ARHGAP12: variants seen among roughly 807,000 people sequenced by gnomAD.
The protein encoded by ARHGAP12 is Rho GTPase activating protein 12, also known as rho GTPase-activating protein 12.
Under a neutral mutation model 108.6 loss-of-function variants are expected in ARHGAP12, and 64 were observed. The ratio of observed to expected loss-of-function variants is 0.59; its 90% confidence interval spans 0.48 to 0.73. ARHGAP12 has a LOEUF of 0.73. ARHGAP12 is among the 30% of genes least tolerant of loss of function. The pLI, the probability that ARHGAP12 is intolerant of heterozygous loss-of-function variation, is 0.00. For synonymous variants in ARHGAP12, 312 were observed against 337.2 expected (o/e 0.93, Z 0.82); for missense variants, 940 against 1,005.9 (o/e 0.93, Z 0.89).
chr10:31,844,037 CATT>C (rs1564384885), intron 6 of ARHGAP12, among the ~76,000 whole-genome samples: 1 of 152,032 alleles, frequency 6.6e-6, no homozygotes, highest in Non-Finnish European at 1.5e-5. Context: ...CAAAAATAAG[CATT>C]ATTTTAAAAA....
At chr10:31,890,786 A>G (rs922297954) in intron 3 of ARHGAP12, among the ~76,000 whole-genome samples, 3 of 152,230 alleles carry the variant, frequency 2.0e-5, no homozygotes, top group African/African-American at 7.2e-5. Flanking sequence ...CATTAAAACA[A>G]AAAGGACTTT....
intron 3 of ARHGAP12, among the ~76,000 whole-genome samples, chr10:31,870,278 G>GCT (rs1837491591): frequency 1.4e-5 from 2 of 146,210 alleles, no homozygotes; most frequent in Admixed American, 1.4e-4. Context: ...TGCCCAGGCT[G>GCT]GAGTGCAATG....
Position 31,819,397 on chromosome 10 carries a change from G to T in ARHGAP12, c.1632+990C>A, listed in dbSNP as rs145736652. On this transcript the variant is annotated intron_variant, in intron 12 of 19. Transcript: ENST00000344936. ...ACAAAAAGAGGTTGGGATCTGGAAG[G>T]CTGTCCACAAAATCAGTCTTGGATC... 6.6e-5 allele frequency among the ~76,000 whole-genome samples: 10 copies of T among 152,286 alleles called. No homozygotes were observed. The East Asian group carries it at 1.7e-3, about 26-fold the overall frequency.
rs777287488 is a variant in ARHGAP12 at position 31,861,533 on chromosome 10, T to C, written c.810A>G (p.Glu270=). The change falls in exon 4 of 20, where the codon GAA becomes GAG. Residue 270 remains glutamate, a synonymous_variant. Coordinates refer to ENST00000344936, the MANE Select transcript of ARHGAP12 (RefSeq NM_018287.7). The part of the protein sequence containing the change: ...PGSPAIQING[E]WETHKDSSGR... ...CTGAGCTGTCTTTATGAGTTTCCCA[T>C]TCTCCATTAATCTGAATTGCCGGGC... 3 of 1,614,058 alleles carry C rather than the reference T, an allele frequency of 1.9e-6. No individual in the cohort carries two copies. The highest frequency in any genetic ancestry group is 1.7e-6 in the Non-Finnish European group (2 of 1,180,038).
At chr10:31,894,794 A>G (rs569623972) in intron 3 of ARHGAP12, among the ~76,000 whole-genome samples, 57 of 152,334 alleles carry the variant, frequency 3.7e-4, no homozygotes, top group African/African-American at 1.3e-3. Context: ...TCACCAAGTC[A>G]ATCCTAAGCC....
intron 3 of ARHGAP12, 72 bp from the exon 4 acceptor site, chr10:31,861,730 G>T (rs530273425): frequency 7.0e-7 from 1 of 1,425,038 alleles, no homozygotes; most frequent in South Asian, 1.4e-5. Flanking sequence ...AATGAAACAG[G>T]AGATTTATAA....
chr10:31,841,251 G>C (rs1192575991), intron 7 of ARHGAP12, among the ~76,000 whole-genome samples: 1 of 151,910 alleles, frequency 6.6e-6, no homozygotes, highest in Non-Finnish European at 1.5e-5. Flanking sequence ...AAAAAAGGCA[G>C]AAACAGATGC....
chr10:31,819,921 T>C (rs1160309924), intron 12 of ARHGAP12, among the ~76,000 whole-genome samples: 5 of 151,298 alleles, frequency 3.3e-5, no homozygotes, highest in Non-Finnish European at 7.4e-5. Flanking sequence ...CATATATTAC[T>C]GGGGAGGGTT....
At position 31,861,304 on chromosome 10, in the gene ARHGAP12, A is replaced by G. The variant is rs1006701521; in HGVS notation, c.948+91T>C. 1.5e-5 allele frequency: 22 copies of G among 1,435,804 alleles called. No individual in the cohort carries two copies. In the African/African-American group the frequency reaches 3.0e-4, roughly 20 times the overall value. The allele number at this position is 1,435,804 out of a possible 1,614,324, so 88.9% of individuals were successfully genotyped here. ...AGATCACGTGTTTTAACATGCTGAC[A>G]GTAAGAAACAAAACTATTTACTTCT... On this transcript the variant is annotated intron_variant, in intron 4 of 19. Transcript: ENST00000344936.
At chr10:31,844,605 C>T (rs1338346381) in intron 6 of ARHGAP12, among the ~76,000 whole-genome samples, 1 of 152,062 alleles carries the variant, frequency 6.6e-6, no homozygotes, top group Non-Finnish European at 1.5e-5. Flanking sequence ...ATGATCAGAG[C>T]TCACTGCAAC....
intron 3 of ARHGAP12, among the ~76,000 whole-genome samples, chr10:31,891,701 G>A (rs564752645): frequency 2.0e-4 from 31 of 152,188 alleles, no homozygotes; most frequent in South Asian, 4.1e-4. Flanking sequence ...CATTCTCCCC[G>A]TCACTTTCAC....
chr10:31,903,582 C>T (rs1839010917), intron 3 of ARHGAP12, among the ~76,000 whole-genome samples: 1 of 152,004 alleles, frequency 6.6e-6, no homozygotes, highest in South Asian at 2.1e-4. Flanking sequence ...ACCATGATTC[C>T]ACATAAGGAA....
At position 31,809,291 on chromosome 10, in the gene ARHGAP12, C is replaced by T; in HGVS notation, c.2067G>A (p.Gly689=). 1 of 1,613,706 alleles carries T rather than the reference C, an allele frequency of 6.2e-7. No individual in the cohort carries two copies. The highest frequency in any genetic ancestry group is 8.5e-7 in the Non-Finnish European group (1 of 1,179,688). ...CGAGGTTGCCACTTACTCTGTATAT[C>T]CCATCAATATCCAAACCTAAGAGAC... is the stretch of plus-strand genomic sequence containing the variant. ...HVEEHGLDID[G]IYRVSGNLAV... The change falls in exon 17 of 20, where the codon GGG becomes GGA. Residue 689 remains glycine (G), a synonymous_variant. Coordinates refer to ENST00000344936, the MANE Select transcript of ARHGAP12 (RefSeq NM_018287.7).
intron 1 of ARHGAP12, among the ~76,000 whole-genome samples, chr10:31,919,806 A>T (rs1839715322): frequency 6.9e-6 from 1 of 144,916 alleles, no homozygotes; most frequent in African/African-American, 2.6e-5. Flanking sequence ...AAAAAAACAA[A>T]ACCAAAAAAA....
chr10:31,848,624 T>C (rs1836554011), intron 6 of ARHGAP12, among the ~76,000 whole-genome samples: 1 of 152,234 alleles, frequency 6.6e-6, no homozygotes, highest in Non-Finnish European at 1.5e-5. Flanking sequence ...TGAATAACTA[T>C]GTTTTTTCAT....
chr10:31,862,778 T>G (rs1837177453), intron 3 of ARHGAP12, among the ~76,000 whole-genome samples: 1 of 149,584 alleles, frequency 6.7e-6, no homozygotes, highest in South Asian at 2.1e-4. Context: ...CTGAAAAGCC[T>G]CCAGACACTG....
chr10:31,862,117 T>C (rs1837138590), intron 3 of ARHGAP12, among the ~76,000 whole-genome samples: 1 of 152,222 alleles, frequency 6.6e-6, no homozygotes, highest in African/African-American at 2.4e-5. Flanking sequence ...TAGCACAGCT[T>C]TTATTATGAA....
intron 3 of ARHGAP12, among the ~76,000 whole-genome samples, chr10:31,903,655 G>A (rs1453092833): frequency 6.6e-6 from 1 of 152,040 alleles, no homozygotes; most frequent in African/African-American, 2.4e-5. Flanking sequence ...ACTATCAAGA[G>A]GATGAAAAGG....
At chr10:31,852,729 CTTTTTTTTT>C (rs398013156) in intron 5 of ARHGAP12, 132 bp from the exon 6 acceptor site, 35 of 230,318 alleles carry the variant, frequency 1.5e-4, no homozygotes, top group East Asian at 3.2e-4. Context: ...ACAAAAAATT[CTTTTTTTTT>C]TTTTTTTTTT....
Sources: gnomAD v4.1 joint callset for allele counts (sites outside exome capture counted in the v4.1 genomes callset) on GRCh38, gnomAD v4.1.1 for gene constraint, MANE v1.5 for transcripts, NCBI Gene and HGNC (gene_info 2026-07-23, HGNC 2026-07-21) for gene names.